CNTNAP2: variants seen among roughly 807,000 people sequenced by gnomAD.
The protein encoded by CNTNAP2 is contactin-associated protein-like 2.
Under a neutral mutation model 155.2 loss-of-function variants are expected in CNTNAP2, and 98 were observed. That is an observed-to-expected ratio of 0.63 (90% CI 0.54 to 0.75). CNTNAP2 has a LOEUF of 0.75. Among genes scored for constraint, CNTNAP2 ranks in the 30% least tolerant of loss-of-function variants. The pLI is 0.00. For missense variants in CNTNAP2, 1,727 were observed against 1,688.1 expected, an observed-to-expected ratio of 1.02 and a Z score of -0.40; for synonymous variants, 651 against 631.2, an observed-to-expected ratio of 1.03 and a Z score of -0.47.
intron 1 of CNTNAP2, among the ~76,000 whole-genome samples, chr7:146,768,301 T>C (rs914321937): frequency 2.0e-5 from 3 of 151,432 alleles, no homozygotes; most frequent in African/African-American, 7.3e-5. Flanking sequence ...GCACAGCAGT[T>C]CCTCAAGAGG....
intron 1 of CNTNAP2, among the ~76,000 whole-genome samples, chr7:146,232,592 A>G (rs1057431044): frequency 3.9e-5 from 6 of 152,098 alleles, no homozygotes; most frequent in Non-Finnish European, 4.4e-5. Flanking sequence ...CTGCTGTGGA[A>G]CACTTCTCCT....
At chr7:146,797,370 G>A (rs574338001) in intron 2 of CNTNAP2, among the ~76,000 whole-genome samples, 3 of 152,256 alleles carry the variant, frequency 2.0e-5, no homozygotes, top group Admixed American at 6.5e-5. Context: ...GAGGTGGCAG[G>A]AGACACCTTG....
intron 2 of CNTNAP2, among the ~76,000 whole-genome samples, chr7:146,821,469 C>A (rs914075818): frequency 6.6e-6 from 1 of 152,080 alleles, no homozygotes; most frequent in African/African-American, 2.4e-5. Flanking sequence ...AAATTCTTTT[C>A]TTTAAGAATG....
chr7:148,234,713 G>A (rs576581040), intron 20 of CNTNAP2, among the ~76,000 whole-genome samples: 152 of 152,352 alleles, frequency 1.0e-3, no homozygotes, highest in African/African-American at 3.5e-3. Context: ...AGGCTGAGAT[G>A]ATGCAGCTTT....
chr7:147,716,561 C>T (rs1463536506), intron 13 of CNTNAP2, among the ~76,000 whole-genome samples: 1 of 152,092 alleles, frequency 6.6e-6, no homozygotes, highest in African/African-American at 2.4e-5. Context: ...TCTTTCTGTA[C>T]ATGTGCTAAC....
chr7:146,802,179 C>T (rs1005329639), intron 2 of CNTNAP2, among the ~76,000 whole-genome samples: 8 of 152,256 alleles, frequency 5.3e-5, no homozygotes, highest in African/African-American at 1.9e-4. Context: ...ATATGGGTAT[C>T]ATGAGGTGGA....
chr7:148,169,188 G>A (rs1358519603), intron 17 of CNTNAP2, among the ~76,000 whole-genome samples: 4 of 152,096 alleles, frequency 2.6e-5, no homozygotes, highest in Non-Finnish European at 2.9e-5. Context: ...ATAAGAAAAG[G>A]GAAAACATTA....
intron 4 of CNTNAP2, among the ~76,000 whole-genome samples, chr7:147,105,105 G>A (rs1052169699): frequency 1.3e-5 from 2 of 150,884 alleles, no homozygotes; most frequent in Admixed American, 1.3e-4. Context: ...AAAATATATA[G>A]CAAAGATATC....
chr7:147,383,501 A>G (rs1056937567), intron 9 of CNTNAP2, among the ~76,000 whole-genome samples: 5 of 152,184 alleles, frequency 3.3e-5, no homozygotes, highest in Non-Finnish European at 5.9e-5. Context: ...GTACATGTGC[A>G]TATGTCTTTA....
intron 5 of CNTNAP2, among the ~76,000 whole-genome samples, chr7:147,114,585 G>T (rs1045648725): frequency 1.3e-5 from 2 of 151,984 alleles, no homozygotes; most frequent in Non-Finnish European, 2.9e-5. Context: ...TGTGTTTTTT[G>T]ATCTTTGGTG....
chr7:146,920,944 T>C (rs2129219939), intron 3 of CNTNAP2, among the ~76,000 whole-genome samples: 1 of 152,198 alleles, frequency 6.6e-6, no homozygotes, highest in East Asian at 1.9e-4. Flanking sequence ...AATAGTGCTG[T>C]AAAGAAAATA....
chr7:147,062,527 T>A (rs1390705196), intron 4 of CNTNAP2, among the ~76,000 whole-genome samples: 1 of 152,162 alleles, frequency 6.6e-6, no homozygotes, highest in Non-Finnish European at 1.5e-5. Flanking sequence ...GTTTACTAAA[T>A]GGGTATATTT....
chr7:146,495,888 C>G (rs1797208125), intron 1 of CNTNAP2, among the ~76,000 whole-genome samples: 1 of 151,996 alleles, frequency 6.6e-6, no homozygotes, highest in Non-Finnish European at 1.5e-5. Flanking sequence ...TTCACCTTGC[C>G]AGAATTTCAA....
chr7:146,254,906 A>G (rs1180595948), intron 1 of CNTNAP2, among the ~76,000 whole-genome samples: 1 of 152,166 alleles, frequency 6.6e-6, no homozygotes, highest in Admixed American at 6.6e-5. Context: ...ATAGAGAAAC[A>G]TTACAGACAA....
chr7:147,410,870 T>C (rs896311966), intron 10 of CNTNAP2, among the ~76,000 whole-genome samples: 12 of 152,196 alleles, frequency 7.9e-5, no homozygotes, highest in Non-Finnish European at 1.6e-4. Flanking sequence ...GCTCACAAGT[T>C]ATTAATATTA....
At chr7:146,897,151 G>GT (rs1562991467) in intron 3 of CNTNAP2, among the ~76,000 whole-genome samples, 1 of 152,056 alleles carries the variant, frequency 6.6e-6, no homozygotes, top group Non-Finnish European at 1.5e-5. Context: ...CCACAGAGGT[G>GT]TAACATAATC....
At chr7:146,681,243 C>G (rs974445506) in intron 1 of CNTNAP2, among the ~76,000 whole-genome samples, 1 of 150,940 alleles carries the variant, frequency 6.6e-6, no homozygotes. Flanking sequence ...TACTTTAGAA[C>G]TTCCTGTATA....
chr7:148,313,604 G>T (rs1192275410), intron 21 of CNTNAP2, among the ~76,000 whole-genome samples: 1 of 152,148 alleles, frequency 6.6e-6, no homozygotes, highest in African/African-American at 2.4e-5. Flanking sequence ...TATGGCTGGG[G>T]TTTGTCTCAC....
At chr7:147,310,765 G>C (rs374095391) in intron 9 of CNTNAP2, among the ~76,000 whole-genome samples, 1 of 152,150 alleles carries the variant, frequency 6.6e-6, no homozygotes, top group Admixed American at 6.5e-5. Flanking sequence ...TAAAAGCATA[G>C]TAAGGAAGGC....
Sources: allele counts gnomAD v4.1 joint callset (sites outside exome capture counted in the v4.1 genomes callset), GRCh38; gene constraint gnomAD v4.1.1; transcripts MANE v1.5; gene names NCBI Gene and HGNC (gene_info 2026-07-23, HGNC 2026-07-21).